The following TCF7L2 variants were observed in gnomAD, a reference collection of about 807,000 sequenced individuals.
TCF7L2 encodes the protein transcription factor 7-like 2.
In TCF7L2, 23 loss-of-function variants were observed where a neutral mutation model predicts 77.9. The observed-to-expected ratio is 0.30, with a 90% CI of 0.21 to 0.42. The LOEUF (loss-of-function observed/expected upper bound fraction) is 0.42. TCF7L2 is among the 10% of genes least tolerant of loss of function. The pLI, the probability that TCF7L2 is intolerant of heterozygous loss-of-function variation, is 1.00. For synonymous variants in TCF7L2, 413 were observed against 340.2 expected (o/e 1.21, Z -2.36); for missense variants, 654 against 793.1 (o/e 0.82, Z 2.11).
chr10:113,110,373 T>G (rs76154628), intron 5 of TCF7L2, among the ~76,000 whole-genome samples: 2 of 149,534 alleles, frequency 1.3e-5, no homozygotes, highest in Non-Finnish European at 3.0e-5. Context: ...ACTGGGGTTT[T>G]TTTTTTTTTT....
intron 5 of TCF7L2, chr10:113,129,258 T>A: frequency 1.0e-6 from 1 of 969,824 alleles, no homozygotes; most frequent in Non-Finnish European, 1.2e-6. Flanking sequence ...TTTGAGGGAT[T>A]TGACAATCTT....
intron 3 of TCF7L2, among the ~76,000 whole-genome samples, chr10:112,963,096 A>C (rs938281229): frequency 6.6e-6 from 1 of 152,152 alleles, no homozygotes; most frequent in East Asian, 1.9e-4. Context: ...CATTATATCT[A>C]TATATAAATA....
At chr10:112,983,520 C>G (rs1165812665) in intron 4 of TCF7L2, among the ~76,000 whole-genome samples, 2 of 152,170 alleles carry the variant, frequency 1.3e-5, no homozygotes, top group Admixed American at 1.3e-4. Context: ...TCATCCTTTT[C>G]AGTTCTCAAA....
At chr10:112,974,565 C>T (rs1010752012) in intron 4 of TCF7L2, among the ~76,000 whole-genome samples, 3 of 152,166 alleles carry the variant, frequency 2.0e-5, no homozygotes. Context: ...GCCTCAGCCT[C>T]CCGAGTGGCT....
chr10:113,069,558 C>T (rs1412861849), intron 5 of TCF7L2, among the ~76,000 whole-genome samples: 1 of 152,144 alleles, frequency 6.6e-6, no homozygotes, highest in Non-Finnish European at 1.5e-5. Context: ...CTGTTTATTT[C>T]TGCTTGCCTA....
intron 5 of TCF7L2, among the ~76,000 whole-genome samples, chr10:113,131,259 A>G (rs1315465253): frequency 6.6e-6 from 1 of 152,230 alleles, no homozygotes; most frequent in Admixed American, 6.5e-5. Flanking sequence ...CATATTTTCA[A>G]CATCATGAAT....
At chr10:112,951,113 C>A (rs917069630) in intron 1 of TCF7L2, 94 bp from the exon 2 acceptor site, 4 of 1,264,472 alleles carry the variant, frequency 3.2e-6, no homozygotes, top group Admixed American at 5.5e-5. Flanking sequence ...TTTTTCTACC[C>A]CCCCCTCGAC....
intron 5 of TCF7L2, among the ~76,000 whole-genome samples, chr10:113,084,888 T>G (rs2059668089): frequency 6.7e-6 from 1 of 148,628 alleles, no homozygotes; most frequent in Non-Finnish European, 1.5e-5. Context: ...AAAGTGAGAC[T>G]CTGTCTCAAG....
chr10:112,992,345 C>T (rs988865014), intron 4 of TCF7L2, among the ~76,000 whole-genome samples: 1 of 152,186 alleles, frequency 6.6e-6, no homozygotes, highest in African/African-American at 2.4e-5. Context: ...GCCTCCGCCC[C>T]CCAGCCCTGG....
At chr10:113,097,661 A>AC (rs1555050210) in intron 5 of TCF7L2, among the ~76,000 whole-genome samples, 16 of 144,400 alleles carry the variant, frequency 1.1e-4, no homozygotes, top group African/African-American at 4.1e-4. Flanking sequence ...AAAAAAAAAA[A>AC]AAAAAAAAAA....
intron 4 of TCF7L2, among the ~76,000 whole-genome samples, chr10:113,014,954 G>T (rs1267163264): frequency 1.3e-5 from 2 of 152,208 alleles, no homozygotes; most frequent in Non-Finnish European, 2.9e-5. Context: ...CTGGGAGGCC[G>T]AGGCAGGTGG....
intron 5 of TCF7L2, among the ~76,000 whole-genome samples, chr10:113,140,766 A>C (rs1472288177): frequency 6.6e-6 from 1 of 152,006 alleles, no homozygotes; most frequent in Non-Finnish European, 1.5e-5. Context: ...TGGTTTTCCT[A>C]GATGGTCCCC....
In TCF7L2 at chr10:113,155,859, G is replaced by A. The variant is rs553856016; in HGVS notation, c.1270-2162G>A. On this transcript the variant is annotated intron_variant, in intron 11 of 13. Coordinates refer to ENST00000627217, the MANE Select transcript of TCF7L2 (RefSeq NM_001146274.2). ...ATGGTCCATTGCAGGCCCATGAGAT[G>A]CCAGCTTCATGATAAAGCACATGAG... Among the ~76,000 whole-genome samples the A allele has an allele frequency of 4.6e-5, 7 of 152,300 alleles. No homozygotes were observed. The East Asian group carries it at 9.7e-4, about 21-fold the overall frequency.
chr10:113,143,520 G>GT (rs1228241691), intron 6 of TCF7L2, among the ~76,000 whole-genome samples: 1 of 152,190 alleles, frequency 6.6e-6, no homozygotes, highest in East Asian at 1.9e-4. Context: ...TCTTGTGCAG[G>GT]TAAGGCATGA....
chr10:113,154,729 A>T (rs1939616899), intron 11 of TCF7L2, among the ~76,000 whole-genome samples: 2 of 152,146 alleles, frequency 1.3e-5, no homozygotes, highest in South Asian at 4.1e-4. Flanking sequence ...CTCAGTTTTA[A>T]ATTTGGAAGA....
chr10:113,075,616 G>A (rs1253680375), intron 5 of TCF7L2, among the ~76,000 whole-genome samples: 1 of 152,104 alleles, frequency 6.6e-6, no homozygotes, highest in Non-Finnish European at 1.5e-5. Context: ...AAAGATTAAA[G>A]CTGCACAGAC....
At chr10:113,107,721 TCCAGCCTGGGCGA>T (rs2062541180) in intron 5 of TCF7L2, among the ~76,000 whole-genome samples, 1 of 118,640 alleles carries the variant, frequency 8.4e-6, no homozygotes, top group Non-Finnish European at 1.6e-5. Flanking sequence ...ACCAGTGCAC[TCCAGCCTGGGCGA>T]CCGAGCGAGA....
At position 112,951,369 on chromosome 10, in the gene TCF7L2, TGCGCCGGCCCGGTCGGG is replaced by T. The variant is rs1322696414; in HGVS notation, c.256+102_257-92del. 9.8e-5 allele frequency: 104 copies of T among 1,063,384 alleles called. No homozygotes were observed. The South Asian group carries it at 2.2e-3, about 23-fold the overall frequency. 65.9% of individuals were successfully genotyped at this position (1,063,384 alleles called of 1,614,324 possible). On this transcript the variant is annotated intron_variant, in intron 2 of 13. Transcript: ENST00000627217. ...CCCCGCGCCCGGCTCGGCCTGGCCC[TGCGCCGGCCCGGTCGGG>T]GCGCCCGGCCCCTCGGGGCACTTTC...
chr10:113,105,520 G>A lies in TCF7L2; in HGVS notation c.553-35664G>A, dbSNP rs572203965. ...CACTTTCGAAGTTCTGGGAGTTACC[G>A]TGGCTATTGTTCTGACTGCAGTCTA... On this transcript the variant is annotated intron_variant, in intron 5 of 13. Coordinates refer to ENST00000627217, the MANE Select transcript of TCF7L2 (RefSeq NM_001146274.2). Among the ~76,000 whole-genome samples the A allele has an allele frequency of 2.0e-5, 3 of 152,236 alleles. No homozygotes were observed. In the East Asian group the frequency reaches 5.8e-4, roughly 29 times the overall value.
Sources: gnomAD v4.1 joint callset for allele counts (sites outside exome capture counted in the v4.1 genomes callset) on GRCh38, gnomAD v4.1.1 for gene constraint, MANE v1.5 for transcripts, NCBI Gene and HGNC (gene_info 2026-07-23, HGNC 2026-07-21) for gene names.